Variants in CBFB observed in about 807,000 individuals in gnomAD.
CBFB encodes the protein CBF-beta.
CBFB carries 9 observed loss-of-function variants against 30.4 expected under a neutral mutation model. The observed-to-expected ratio is 0.30, with a 90% confidence interval of 0.18 to 0.52. The LOEUF is 0.52. CBFB is among the 20% of genes least tolerant of loss of function. The pLI is 0.97. For synonymous variants in CBFB, 94 were observed against 84.0 expected, an observed-to-expected ratio of 1.12 and a Z score of -0.65; for missense variants, 170 against 244.0, an observed-to-expected ratio of 0.70 and a Z score of 2.02.
chr16:67,029,465 A>C lies in CBFB; in HGVS notation c.58A>C (p.Lys20Gln), dbSNP rs778771923. The C allele has an allele frequency of 6.3e-7, 1 of 1,591,138 alleles. No individual in the cohort carries two copies. The highest frequency in any genetic ancestry group is 1.1e-5 in the South Asian group (1 of 88,190). Residue 20 changes from lysine to glutamine, a missense_variant, in exon 1 of 6, where the codon AAG (lysine) becomes CAG (glutamine). By Grantham distance (53) the Lys-to-Gln change is moderately conservative (BLOSUM62 1). Transcript: ENST00000412916. ...SKFENEEFFR[K>Q]LSRECEIKYT... ...GTTCGAGAACGAGGAGTTTTTTAGG[A>C]AGCTGAGCCGCGAGTGTGAGGTGAG... is the stretch of plus-strand genomic sequence containing the variant.
At chr16:67,059,957 ATTCTTTCT>A (rs71378423) in intron 3 of CBFB, among the ~76,000 whole-genome samples, 12 of 150,170 alleles carry the variant, frequency 8.0e-5, no homozygotes, top group African/African-American at 2.5e-4. Context: ...CAAACTTTTA[ATTCTTTCT>A]TTCTTTCTTT....
chr16:67,092,696 ATCTTTTT>A (rs1961924484), intron 5 of CBFB, among the ~76,000 whole-genome samples: 3 of 94,684 alleles, frequency 3.2e-5, no homozygotes, highest in Admixed American at 1.3e-4. Flanking sequence ...CAGTGGTGCA[ATCTTTTT>A]TTTTTTTTTT....
intron 5 of CBFB, among the ~76,000 whole-genome samples, chr16:67,085,823 G>T (rs186191579): frequency 1.3e-5 from 2 of 151,744 alleles, no homozygotes; most frequent in Non-Finnish European, 2.9e-5. Flanking sequence ...GACCACAGGC[G>T]CCCGCCACCA....
At chr16:67,082,010 G>A (rs572048133) in intron 4 of CBFB, 5 of 264,456 alleles carry the variant, frequency 1.9e-5, no homozygotes, top group South Asian at 8.5e-5. Context: ...GTAGAGATGC[G>A]GTTTCACCAT....
At chr16:67,084,312 A>G (rs1477873189) in intron 5 of CBFB, among the ~76,000 whole-genome samples, 2 of 152,192 alleles carry the variant, frequency 1.3e-5, no homozygotes, top group Non-Finnish European at 2.9e-5. Context: ...ATTTCATACA[A>G]GAAGAAATAG....
chr16:67,058,486 T>C (rs58448340), intron 3 of CBFB, among the ~76,000 whole-genome samples: 5,538 of 152,194 alleles, frequency 0.036, 148 homozygotes, highest in South Asian at 0.078. Context: ...TTAAAAACTT[T>C]AAGTTAATGA....
intron 3 of CBFB, among the ~76,000 whole-genome samples, chr16:67,065,701 T>C (rs1186903238): frequency 1.3e-5 from 2 of 152,128 alleles, no homozygotes; most frequent in Non-Finnish European, 1.5e-5. Flanking sequence ...TTGATTTTGT[T>C]ATAGTATTTA....
At chr16:67,041,985 G>T (rs970189226) in intron 3 of CBFB, among the ~76,000 whole-genome samples, 1 of 150,248 alleles carries the variant, frequency 6.7e-6, no homozygotes, top group African/African-American at 2.5e-5. Flanking sequence ...ATGGCTCACT[G>T]CAGCCTCAAT....
chr16:67,093,661 A>T (rs542009117), intron 5 of CBFB: 12 of 152,198 alleles, frequency 7.9e-5, no homozygotes, highest in African/African-American at 2.9e-4. Flanking sequence ...TTAATTCTTC[A>T]TAAATACTAA....
At chr16:67,096,326 T>G (rs192898937) in intron 5 of CBFB, among the ~76,000 whole-genome samples, 1 of 151,644 alleles carries the variant, frequency 6.6e-6, no homozygotes, top group African/African-American at 2.4e-5. Context: ...AAAAAAATAA[T>G]AATAATTAGT....
In CBFB at chr16:67,029,437, C is replaced by A; in HGVS notation, c.30C>A (p.Ser10Arg). 6.3e-7 allele frequency: 1 copy of A among 1,588,356 alleles called. No individual in the cohort carries two copies. The highest frequency in any genetic ancestry group is 1.1e-5 in the South Asian group (1 of 87,980). The change falls in exon 1 of 6, where the codon AGC becomes AGA. Residue 10 changes from serine to arginine, a missense_variant. By Grantham distance (110) the Ser-to-Arg change is moderately radical (BLOSUM62 -1). Transcript: ENST00000412916. ...CGCGCGTCGTGCCCGACCAGAGAAGCAAGTTCGAGAACGAGGAGTTTTTTA... is the reference window on the plus strand; with the variant it reads ...CGCGCGTCGTGCCCGACCAGAGAAGAAAGTTCGAGAACGAGGAGTTTTTTA... MPRVVPDQR[S>R]KFENEEFFRK...
intron 3 of CBFB, among the ~76,000 whole-genome samples, chr16:67,042,296 C>T (rs1439065459): frequency 6.6e-6 from 1 of 152,086 alleles, no homozygotes; most frequent in Non-Finnish European, 1.5e-5. Flanking sequence ...ACTAGGACGA[C>T]AGATATTTGC....
intron 4 of CBFB, among the ~76,000 whole-genome samples, chr16:67,079,740 A>G (rs758057486): frequency 2.4e-4 from 37 of 152,112 alleles, no homozygotes; most frequent in African/African-American, 8.7e-4. Flanking sequence ...ATTGGCTACA[A>G]CTGAGTTACG....
rs1015932272 is a variant in CBFB at position 67,099,451 on chromosome 16, G to A, written c.*673G>A. 2.0e-5 allele frequency: 4 copies of A among 203,644 alleles called. No homozygotes were observed. The highest frequency in any genetic ancestry group is 7.4e-5 in the East Asian group (1 of 13,554). The allele number at this position is 203,644 out of a possible 1,614,324, so 12.6% of individuals were successfully genotyped here. A position where few individuals can be genotyped will look rare whatever the true frequency, so the allele number is the denominator to read the frequency against. On this transcript the variant is annotated 3_prime_UTR_variant, in exon 6 of 6. Coordinates refer to ENST00000412916, the MANE Select transcript of CBFB (RefSeq NM_022845.3). ...TTTTTTTTAATAGAGACAGGGTCTC[G>A]CAGTGTTGCCCAGGCTGGTCTCGAA...
At chr16:67,054,852 A>G (rs1169512958) in intron 3 of CBFB, among the ~76,000 whole-genome samples, 1 of 151,658 alleles carries the variant, frequency 6.6e-6, no homozygotes, top group Non-Finnish European at 1.5e-5. Context: ...TCCCGGGTTC[A>G]CGCCATTCTC....
Position 67,061,874 on chromosome 16 carries a change from A to G in CBFB, c.283-4808A>G, listed in dbSNP as rs201847289. 3.3e-5 allele frequency among the ~76,000 whole-genome samples: 5 copies of G among 151,968 alleles called. No individual in the cohort carries two copies. In the East Asian group the frequency reaches 9.7e-4, roughly 30 times the overall value. Reference sequence around the variant, plus strand: ...TGGTGAAACCCCGTCTCTACTGAAAATACAAAAATTAGCGGTGTGTGGTGG... The same window carrying G: ...TGGTGAAACCCCGTCTCTACTGAAAGTACAAAAATTAGCGGTGTGTGGTGG... On this transcript the variant is annotated intron_variant, in intron 3 of 5. Transcript: ENST00000412916.
rs547917878 is a variant in CBFB at position 67,088,196 on chromosome 16, TTG to T, written c.495+5894_495+5895del. On this transcript the variant is annotated intron_variant, in intron 5 of 5. Transcript: ENST00000412916. ...GCAATCACATAGGGGAGTTTGGGGT[TTG>T]TGTGTCTTTTGGCACTTAGCGTGTA... Among the ~76,000 whole-genome samples, 285 of 152,284 alleles carry T rather than the reference TTG, an allele frequency of 1.9e-3. 4 individuals carry two copies. The highest frequency in any genetic ancestry group is 0.015 in the Admixed American group (226 of 15,294).
chr16:67,075,197 A>ATGTG (rs57425666), intron 4 of CBFB, among the ~76,000 whole-genome samples: 98 of 142,758 alleles, frequency 6.9e-4, no homozygotes, highest in South Asian at 2.5e-3. Flanking sequence ...CTCAAAAAAA[A>ATGTG]TGTGTGTGTG....
chr16:67,075,197 A>ATGTGTGTGTGTGTG (rs57425666), intron 4 of CBFB, among the ~76,000 whole-genome samples: 1 of 142,662 alleles, frequency 7.0e-6, no homozygotes, highest in Non-Finnish European at 1.5e-5. Context: ...CTCAAAAAAA[A>ATGTGTGTGTGTGTG]TGTGTGTGTG....
Sources: gnomAD v4.1 joint callset for allele counts (sites outside exome capture counted in the v4.1 genomes callset) on GRCh38, gnomAD v4.1.1 for gene constraint, MANE v1.5 for transcripts, NCBI Gene and HGNC (gene_info 2026-07-23, HGNC 2026-07-21) for gene names.